JARID2: variants seen among roughly 807,000 people sequenced by gnomAD.
The protein encoded by JARID2 is jumonji and AT-rich interaction domain containing 2.
A neutral mutation model predicts 125.6 loss-of-function variants in JARID2; 21 were observed. The observed-to-expected ratio is 0.17, with a 90% CI of 0.12 to 0.24. The LOEUF (loss-of-function observed/expected upper bound fraction) is 0.24, where lower values mean the gene tolerates loss of function less well. JARID2 is among the 10% of genes least tolerant of loss of function. The probability of loss-of-function intolerance (pLI) is 1.00; values close to 1 mark genes in which losing one functional copy is unlikely to be tolerated. For missense variants in JARID2, 1,303 were observed against 1,639.6 expected (o/e 0.79, Z 3.55); for synonymous variants, 736 against 661.6 (o/e 1.11, Z -1.73).
intron 1 of JARID2, among the ~76,000 whole-genome samples, chr6:15,368,994 T>G (rs1232884197): frequency 6.6e-6 from 1 of 152,058 alleles, no homozygotes; most frequent in East Asian, 1.9e-4. Context: ...AAGGTACAGG[T>G]GGTCTGTCTT....
At chr6:15,362,059 A>G (rs1460040527) in intron 1 of JARID2, among the ~76,000 whole-genome samples, 1 of 151,502 alleles carries the variant, frequency 6.6e-6, no homozygotes, top group African/African-American at 2.4e-5. Flanking sequence ...ATGCCCCACT[A>G]GTTTTTGTAT....
intron 1 of JARID2, among the ~76,000 whole-genome samples, chr6:15,316,037 T>TA (rs1762169382): frequency 2.0e-5 from 3 of 152,176 alleles, no homozygotes; most frequent in African/African-American, 7.2e-5. Flanking sequence ...CCGTGAATGT[T>TA]ATCTTCAGTA....
In JARID2 at chr6:15,392,039, G is replaced by GGTGTGT. The variant is rs55811028; in HGVS notation, c.181+17821_181+17826dup. ...GGCACCAGTGCAGTGATCCCAGAGT[G>GGTGTGT]GTGTGTGTGTGTGTGTGTGTGTGTG... is the stretch of plus-strand genomic sequence containing the variant. On this transcript the variant is annotated intron_variant, in intron 2 of 17. Transcript: ENST00000341776. 5.8e-3 allele frequency among the ~76,000 whole-genome samples: 717 copies of GGTGTGT among 122,806 alleles called. 2 individuals are homozygous for GGTGTGT. Among genetic ancestry groups the GGTGTGT allele is most frequent in the African/African-American group, 8.9e-3 (289 of 32,312 alleles). The allele number at this position is 122,806 out of a possible 152,430, so 80.6% of individuals were successfully genotyped here. A position where few individuals can be genotyped will look rare whatever the true frequency, so the allele number is the denominator to read the frequency against.
chr6:15,389,121 A>G (rs926308658), intron 2 of JARID2, among the ~76,000 whole-genome samples: 1 of 152,184 alleles, frequency 6.6e-6, no homozygotes, highest in Non-Finnish European at 1.5e-5. Context: ...AGGCAGTCCA[A>G]GGTCTCCATT....
chr6:15,280,204 A>T (rs1029730735), intron 1 of JARID2, among the ~76,000 whole-genome samples: 1 of 151,096 alleles, frequency 6.6e-6, no homozygotes, highest in Non-Finnish European at 1.5e-5. Context: ...CAGTAGTAAT[A>T]AAAAAAAACT....
intron 3 of JARID2, among the ~76,000 whole-genome samples, chr6:15,440,335 C>CG (rs371202788): frequency 2.0e-5 from 3 of 152,252 alleles, no homozygotes; most frequent in Non-Finnish European, 4.4e-5. Flanking sequence ...GGCGAGGTGT[C>CG]TGAGGTCATG....
At position 15,305,737 on chromosome 6, in the gene JARID2, C is replaced by T. The variant is rs116660585; in HGVS notation, c.45+59153C>T. 2.0e-5 allele frequency among the ~76,000 whole-genome samples: 3 copies of T among 152,264 alleles called. No individual in the cohort carries two copies. In the East Asian group the frequency reaches 5.8e-4, roughly 29 times the overall value. On this transcript the variant is annotated intron_variant, in intron 1 of 17. Coordinates refer to ENST00000341776, the MANE Select transcript of JARID2 (RefSeq NM_004973.4). ...CTTGGCCTTGATTCCTCCCCACCCC[C>T]ATCTCTTTGGAGCACCCCTCCAATA...
At position 15,520,094 on chromosome 6, in the gene JARID2, A is replaced by G; in HGVS notation, c.3584A>G (p.Gln1195Arg). The G allele has an allele frequency of 4.3e-6, 7 of 1,613,320 alleles. No individual in the cohort carries two copies. The highest frequency in any genetic ancestry group is 5.9e-6 in the Non-Finnish European group (7 of 1,179,694). The change falls in exon 18 of 18, where the codon CAG (glutamine) becomes CGG (arginine). Residue 1195 changes from glutamine (Q) to arginine (R), a missense_variant. By Grantham distance (43) the Gln-to-Arg change is conservative. Around this residue, in one of 11 missense-constraint regions of JARID2, gnomAD observed 190 missense variants for 341.4 expected, o/e 0.56. Transcript: ENST00000341776. Reference sequence around the variant, plus strand: ...GAACAGATTATCAGTCTGGTCAATCAGATCTGCGGCAAAGTGTCTGGTAAA... The same window carrying G: ...GAACAGATTATCAGTCTGGTCAATCGGATCTGCGGCAAAGTGTCTGGTAAA... ...DEEQIISLVN[Q>R]ICGKVSGKNG...
intron 1 of JARID2, among the ~76,000 whole-genome samples, chr6:15,343,177 C>T (rs1015987133): frequency 3.5e-5 from 5 of 142,562 alleles, no homozygotes; most frequent in African/African-American, 5.3e-5. Context: ...TGCAGTGAGC[C>T]GAGATCGTGC....
chr6:15,423,852 A>G (rs562287183), intron 3 of JARID2, among the ~76,000 whole-genome samples: 10 of 152,248 alleles, frequency 6.6e-5, no homozygotes, highest in African/African-American at 2.2e-4. Flanking sequence ...GGTTCCTGCA[A>G]CTGTGAATAC....
rs565268358 is a variant in JARID2, at chr6:15,448,970, TA to T, written c.324-3025del. 1.6e-3 allele frequency among the ~76,000 whole-genome samples: 233 copies of T among 144,996 alleles called. 1 individual carries two copies. The highest frequency in any genetic ancestry group is 3.7e-3 in the African/African-American group (148 of 39,732). On this transcript the variant is annotated intron_variant, in intron 3 of 17. Coordinates refer to ENST00000341776, the MANE Select transcript of JARID2 (RefSeq NM_004973.4). ...CCCTTGTTCTATTTTTTTATGTAATTAAAAAAAAAAAGACATTTGTAACAGA... is the reference window on the plus strand; with the variant it reads ...CCCTTGTTCTATTTTTTTATGTAATTAAAAAAAAAAGACATTTGTAACAGA...
At chr6:15,422,095 C>T (rs1364396053) in intron 3 of JARID2, among the ~76,000 whole-genome samples, 1 of 152,200 alleles carries the variant, frequency 6.6e-6, no homozygotes, top group Non-Finnish European at 1.5e-5. Flanking sequence ...CTCTTGGGTC[C>T]TCCAATGTTA....
chr6:15,358,661 A>G lies in JARID2; in HGVS notation c.46-15456A>G, dbSNP rs572419123. The stretch of plus-strand genomic sequence containing the variant: ...GAGAATAGTGAATTCTCATTTTCAG[A>G]GAATTACTGTCAAGAAAAACATGTA... On this transcript the variant is annotated intron_variant, in intron 1 of 17. Coordinates refer to ENST00000341776, the MANE Select transcript of JARID2 (RefSeq NM_004973.4). 2.0e-5 allele frequency among the ~76,000 whole-genome samples: 3 copies of G among 152,364 alleles called. No individual in the cohort carries two copies. The East Asian group carries it at 5.8e-4, about 29-fold the overall frequency.
At chr6:15,336,871 C>G (rs1318721727) in intron 1 of JARID2, among the ~76,000 whole-genome samples, 1 of 151,984 alleles carries the variant, frequency 6.6e-6, no homozygotes, top group African/African-American at 2.4e-5. Context: ...AATTCTGTTG[C>G]GCAGTCAGGA....
chr6:15,321,783 GTTTTTTTTTTTTT>G (rs71687714), intron 1 of JARID2, among the ~76,000 whole-genome samples: 37 of 68,502 alleles, frequency 5.4e-4, no homozygotes, highest in Admixed American at 7.1e-4. Context: ...AAGAATTCTT[GTTTTTTTTTTTTT>G]TTTTTTTTTT....
At chr6:15,247,033 G>A (rs1161335171) in intron 1 of JARID2, among the ~76,000 whole-genome samples, 2 of 152,190 alleles carry the variant, frequency 1.3e-5, no homozygotes, top group South Asian at 2.1e-4. Context: ...TCGAGGGTCC[G>A]ATTATGGCGA....
intron 1 of JARID2, chr6:15,247,750 T>C (rs1759240645): frequency 1.0e-6 from 1 of 985,388 alleles, no homozygotes; most frequent in East Asian, 1.1e-4. Flanking sequence ...CTGATCCTTA[T>C]CTAGACACGT....
intron 1 of JARID2, among the ~76,000 whole-genome samples, chr6:15,313,054 C>T (rs1440173505): frequency 2.0e-5 from 3 of 152,124 alleles, no homozygotes; most frequent in African/African-American, 7.2e-5. Context: ...GGGAGTTTTC[C>T]GTTTATGTTG....
chr6:15,343,425 A>G (rs1763139068), intron 1 of JARID2, among the ~76,000 whole-genome samples: 1 of 152,100 alleles, frequency 6.6e-6, no homozygotes, highest in Non-Finnish European at 1.5e-5. Context: ...GTGTATTATT[A>G]TTGCTGGTGG....
Sources: allele counts gnomAD v4.1 joint callset (sites outside exome capture counted in the v4.1 genomes callset), GRCh38; gene constraint gnomAD v4.1.1; regional missense constraint gnomAD v4.1.1; transcripts MANE v1.5; gene names NCBI Gene and HGNC (gene_info 2026-07-23, HGNC 2026-07-21).